The following EIF4G3 variants were observed in gnomAD, a reference collection of about 807,000 sequenced individuals.
EIF4G3 encodes eukaryotic translation initiation factor 4 gamma 3, also known as eIF-4-gamma 3.
A neutral mutation model predicts 186.4 loss-of-function variants in EIF4G3; 34 were observed. The observed-to-expected ratio is 0.18, with a 90% CI of 0.14 to 0.24. EIF4G3 has a LOEUF of 0.24. Ranked by LOEUF, EIF4G3 falls within the 10% of genes least tolerant of loss-of-function variation. EIF4G3 has a pLI of 1.00. For synonymous variants in EIF4G3, 673 were observed against 679.5 expected, an observed-to-expected ratio of 0.99 and a Z score of 0.15; for missense variants, 1,536 against 1,948.5, an observed-to-expected ratio of 0.79 and a Z score of 3.99.
chr1:21,131,321 GAAAA>G (rs201823220), intron 2 of EIF4G3, among the ~76,000 whole-genome samples: 2 of 120,802 alleles, frequency 1.7e-5, no homozygotes, highest in African/African-American at 6.5e-5. Flanking sequence ...ACATAGGGAA[GAAAA>G]AAAAAAAAGA....
At chr1:21,143,687 G>T (rs1017451438) in intron 2 of EIF4G3, among the ~76,000 whole-genome samples, 2 of 152,156 alleles carry the variant, frequency 1.3e-5, no homozygotes, top group African/African-American at 4.8e-5. Flanking sequence ...GGGAGGCCGA[G>T]GTGGGCAAAT....
intron 2 of EIF4G3, among the ~76,000 whole-genome samples, chr1:21,120,205 TACA>T (rs1349893546): frequency 6.6e-6 from 1 of 151,012 alleles, no homozygotes; most frequent in Non-Finnish European, 1.5e-5. Flanking sequence ...TCTATAAATT[TACA>T]ACAATTTATC....
intron 3 of EIF4G3, among the ~76,000 whole-genome samples, chr1:21,068,933 C>T (rs904576669): frequency 2.0e-5 from 3 of 152,148 alleles, no homozygotes; most frequent in Non-Finnish European, 4.4e-5. Flanking sequence ...TTGAGCATTT[C>T]CTTTGAGAAT....
At chr1:21,036,554 T>A (rs1376554696) in intron 4 of EIF4G3, among the ~76,000 whole-genome samples, 1 of 152,212 alleles carries the variant, frequency 6.6e-6, no homozygotes, top group African/African-American at 2.4e-5. Context: ...TATTTCTTTA[T>A]ACCTAGCCAC....
chr1:21,015,260 T>G (rs2088596284), intron 4 of EIF4G3, among the ~76,000 whole-genome samples: 1 of 151,524 alleles, frequency 6.6e-6, no homozygotes. Context: ...AAAGAAAAGG[T>G]AACAGAACCG....
intron 12 of EIF4G3, among the ~76,000 whole-genome samples, chr1:20,967,357 T>A (rs375617503): frequency 6.6e-6 from 1 of 152,248 alleles, no homozygotes; most frequent in African/African-American, 2.4e-5. Context: ...GATCAACTAA[T>A]TGCAAAGTTT....
intron 20 of EIF4G3, among the ~76,000 whole-genome samples, chr1:20,871,626 C>T (rs1571989192): frequency 1.3e-5 from 2 of 152,252 alleles, no homozygotes; most frequent in East Asian, 1.9e-4. Context: ...ATGTTGTATA[C>T]AGTAGATCTT....
At chr1:20,934,926 T>C (rs1050512824) in intron 14 of EIF4G3, among the ~76,000 whole-genome samples, 1 of 152,194 alleles carries the variant, frequency 6.6e-6, no homozygotes, top group Non-Finnish European at 1.5e-5. Flanking sequence ...TTCCTCACCC[T>C]GTTTTATTAT....
intron 2 of EIF4G3, among the ~76,000 whole-genome samples, chr1:21,172,468 T>C (rs1573791262): frequency 6.6e-6 from 1 of 152,322 alleles, no homozygotes; most frequent in East Asian, 1.9e-4. Flanking sequence ...CAGCACACAG[T>C]GGATGCTGAA....
chr1:20,926,613 G>C (rs1260133370), intron 14 of EIF4G3, among the ~76,000 whole-genome samples: 1 of 150,854 alleles, frequency 6.6e-6, no homozygotes, highest in African/African-American at 2.4e-5. Context: ...TCTGCAGTGA[G>C]CCATGTTTAT....
chr1:20,861,841 G>T lies in EIF4G3; in HGVS notation c.3111+387C>A, dbSNP rs1286950073. Among the ~76,000 whole-genome samples, 2 of 152,104 alleles carry T rather than the reference G, an allele frequency of 1.3e-5. 1 individual carries two copies. Among genetic ancestry groups the T allele is most frequent in the South Asian group, 4.1e-4 (2 of 4,832 alleles). On this transcript the variant is annotated intron_variant, in intron 23 of 36. Coordinates refer to ENST00000602326, the MANE Select transcript of EIF4G3 (RefSeq NM_001391906.1). Reference sequence around the variant, plus strand: ...ATACAAAAATTGCCCAGGTGTGGGGGCATGTGCCTGTAATCCCAGCTATTC... The same window carrying T: ...ATACAAAAATTGCCCAGGTGTGGGGTCATGTGCCTGTAATCCCAGCTATTC...
At chr1:21,046,855 T>G (rs753610928) in intron 4 of EIF4G3, among the ~76,000 whole-genome samples, 2 of 152,058 alleles carry the variant, frequency 1.3e-5, no homozygotes, top group Non-Finnish European at 2.9e-5. Flanking sequence ...GGTAGCCAAA[T>G]AAAAGAATTA....
At chr1:21,175,741 A>C (rs2098088148) in intron 2 of EIF4G3, 1 of 152,432 alleles carries the variant, frequency 6.6e-6, no homozygotes, top group African/African-American at 2.4e-5. Flanking sequence ...TAATTATGGA[A>C]GCCCACTGTG....
intron 2 of EIF4G3, among the ~76,000 whole-genome samples, chr1:21,125,788 ACACACAC>A (rs2097027439): frequency 6.7e-6 from 1 of 148,540 alleles, no homozygotes; most frequent in Non-Finnish European, 1.5e-5. Context: ...ACACACACAC[ACACACAC>A]ACACACACAC....
chr1:21,140,954 G>A (rs1463288138), intron 2 of EIF4G3, among the ~76,000 whole-genome samples: 1 of 152,074 alleles, frequency 6.6e-6, no homozygotes, highest in Non-Finnish European at 1.5e-5. Flanking sequence ...ATCAATTTGA[G>A]AATGACTTAA....
chr1:20,840,609 T>A (rs935917), intron 30 of EIF4G3, among the ~76,000 whole-genome samples: 84,752 of 152,000 alleles, frequency 0.56, 24,283 homozygotes, highest in East Asian at 0.83. Flanking sequence ...CTTACTTACA[T>A]CATGATAGAG....
intron 20 of EIF4G3, among the ~76,000 whole-genome samples, chr1:20,876,741 A>C (rs2080994794): frequency 2.0e-5 from 3 of 152,128 alleles, no homozygotes; most frequent in Non-Finnish European, 4.4e-5. Flanking sequence ...CCTGCCTGTA[A>C]TCCCTGCACT....
At chr1:21,135,637 G>A (rs2097224889) in intron 2 of EIF4G3, among the ~76,000 whole-genome samples, 1 of 152,236 alleles carries the variant, frequency 6.6e-6, no homozygotes, top group Non-Finnish European at 1.5e-5. Context: ...AAGACCATGT[G>A]TCAGTATTTA....
intron 29 of EIF4G3, among the ~76,000 whole-genome samples, chr1:20,843,925 CATT>C (rs980212175): frequency 3.0e-4 from 46 of 152,150 alleles, no homozygotes; most frequent in Non-Finnish European, 5.1e-4. Flanking sequence ...TCTGTTCCTG[CATT>C]AGTTTGCTAA....
Sources: allele counts gnomAD v4.1 joint callset (sites outside exome capture counted in the v4.1 genomes callset), GRCh38; gene constraint gnomAD v4.1.1; transcripts MANE v1.5; gene names NCBI Gene and HGNC (gene_info 2026-07-23, HGNC 2026-07-21).